Variants in ZNF721 observed in about 807,000 individuals in gnomAD.
ZNF721 encodes the protein zinc finger protein 721.
Under a neutral mutation model 2.4 loss-of-function variants are expected in ZNF721, and 2 were observed. The observed-to-expected ratio is 0.82, with a 90% confidence interval of 0.34 to 2.58. The LOEUF is 2.58. Ranked by LOEUF, ZNF721 falls within the 30% of genes most tolerant of loss-of-function variation. The pLI is 0.11. For missense variants in ZNF721, 1,187 were observed against 1,085.5 expected (o/e 1.09, Z -1.31); for synonymous variants, 398 against 381.8 (o/e 1.04, Z -0.50).
rs115210253 is a variant in ZNF721 at position 497,157 on chromosome 4, A to C, written c.-94+1899T>G. 2.3e-3 allele frequency among the ~76,000 whole-genome samples: 344 copies of C among 151,964 alleles called. 1 individual carries two copies. The highest frequency in any genetic ancestry group is 7.8e-3 in the African/African-American group (322 of 41,462). ...GATGGGGCTCAAGCTGAAGACGGCT[A>C]TCTGTCGATGCAGAAGCAGGCAGGC... On this transcript the variant is annotated intron_variant, in intron 1 of 2. Coordinates refer to ENST00000511833, the MANE Select transcript of ZNF721 (RefSeq NM_133474.4).
At chr4:452,734 T>A (rs1296459642) in intron 2 of ZNF721, among the ~76,000 whole-genome samples, 1 of 152,186 alleles carries the variant, frequency 6.6e-6, no homozygotes, top group Non-Finnish European at 1.5e-5. Flanking sequence ...TTATACCCCT[T>A]CCAAGAAGCA....
chr4:442,881 T>C lies in ZNF721; in HGVS notation c.1586A>G (p.Tyr529Cys), dbSNP rs1714314197. The C allele has an allele frequency of 6.2e-7, 1 of 1,613,940 alleles. No homozygotes were observed. Among genetic ancestry groups the C allele is most frequent in the Non-Finnish European group, 8.5e-7 (1 of 1,179,906 alleles). The part of the protein sequence containing the change: ...HRRIHTGEKP[Y>C]TCEVCGKAFR... ...GGCTTTGCCACATACTTCACATGTG[T>C]AGGGTTTCTCTCCAGTATGAATTCT... The change falls in exon 3 of 3, where the codon TAC becomes TGC. Residue 529 changes from tyrosine to cysteine, a missense_variant. Coordinates refer to ENST00000511833, the MANE Select transcript of ZNF721 (RefSeq NM_133474.4).
At chr4:448,407 G>T (rs1318095113) in intron 2 of ZNF721, among the ~76,000 whole-genome samples, 4 of 149,258 alleles carry the variant, frequency 2.7e-5, no homozygotes, top group Non-Finnish European at 5.9e-5. Flanking sequence ...CTGCACTCCA[G>T]CCTGGGTGAC....
chr4:481,077 A>G (rs1327222413), intron 1 of ZNF721, among the ~76,000 whole-genome samples: 1 of 152,154 alleles, frequency 6.6e-6, no homozygotes. Context: ...ACAGGCCACC[A>G]CACCTGGCTG....
chr4:476,208 A>G (rs1433388688), intron 1 of ZNF721, among the ~76,000 whole-genome samples: 3 of 152,172 alleles, frequency 2.0e-5, no homozygotes, highest in African/African-American at 7.2e-5. Flanking sequence ...CCTTCCAGAA[A>G]ACCCTTCTCC....
At chr4:448,745 G>A (rs1714558783) in intron 2 of ZNF721, among the ~76,000 whole-genome samples, 1 of 152,272 alleles carries the variant, frequency 6.6e-6, no homozygotes, top group Non-Finnish European at 1.5e-5. Context: ...AAGCTGAACA[G>A]CTAGATTAAT....
Position 442,030 on chromosome 4 carries a change from C to T in ZNF721, c.2437G>A (p.Glu813Lys). The T allele has an allele frequency of 6.2e-7, 1 of 1,613,974 alleles. No homozygotes were observed. Among genetic ancestry groups the T allele is most frequent in the South Asian group, 1.1e-5 (1 of 91,078 alleles). Residue 813 changes from glutamate to lysine, a missense_variant, in exon 3 of 3, where the codon GAA becomes AAA. Coordinates refer to ENST00000511833, the MANE Select transcript of ZNF721 (RefSeq NM_133474.4). ...HTGEKPFKCL[E>K]CGKAFTSSTT... The stretch of plus-strand genomic sequence containing the variant: ...GAACTAGTAAACGCTTTACCACATT[C>T]TAAACATTTAAAGGGTTTCTCACCT...
chr4:494,273 C>G (rs1716094268), intron 1 of ZNF721, among the ~76,000 whole-genome samples: 1 of 151,674 alleles, frequency 6.6e-6, no homozygotes, highest in Non-Finnish European at 1.5e-5. Flanking sequence ...GCTCCGCCTC[C>G]TGGGTTCACG....
chr4:487,325 C>T (rs1321933160), intron 1 of ZNF721, among the ~76,000 whole-genome samples: 1 of 152,074 alleles, frequency 6.6e-6, no homozygotes, highest in African/African-American at 2.4e-5. Context: ...ACAACAAGCC[C>T]ATTTTAACTT....
chr4:452,374 A>G (rs570415332), intron 2 of ZNF721, among the ~76,000 whole-genome samples: 1 of 152,328 alleles, frequency 6.6e-6, no homozygotes, highest in South Asian at 2.1e-4. Flanking sequence ...TAAGGCTAAA[A>G]TACTAGAATT....
chr4:461,341 G>C (rs993352417), intron 2 of ZNF721, among the ~76,000 whole-genome samples: 1 of 152,000 alleles, frequency 6.6e-6, no homozygotes, highest in Admixed American at 6.6e-5. Context: ...AAACAGAACC[G>C]ATGACAAAAA....
At position 443,743 on chromosome 4, in the gene ZNF721, T is replaced by C. The variant is rs782507651; in HGVS notation, c.724A>G (p.Ile242Val). The C allele has an allele frequency of 5.0e-6, 8 of 1,613,978 alleles. No individual in the cohort carries two copies. The African/African-American group carries it at 9.3e-5, about 19-fold the overall frequency. Residue 242 changes from isoleucine to valine, a missense_variant, in exon 3 of 3, where the codon ATT becomes GTT. Ile to Val is a conservative substitution (Grantham distance 29, BLOSUM62 3). Transcript: ENST00000511833. ...TTGTAGGGTTTCTCTCCAGTATGAATTTTCTCATGTTTATTCAGGTGTGAG... is the reference window on the plus strand; with the variant it reads ...TTGTAGGGTTTCTCTCCAGTATGAACTTTCTCATGTTTATTCAGGTGTGAG... The part of the protein sequence containing the change: ...HSSHLNKHEK[I>V]HTGEKPYKCK...
intron 1 of ZNF721, among the ~76,000 whole-genome samples, chr4:475,186 C>CA (rs1258307451): frequency 0.025 from 3,412 of 138,246 alleles, 109 homozygotes; most frequent in African/African-American, 0.075. Flanking sequence ...GACTCCGTCT[C>CA]AAAAAAAAAA....
At chr4:475,834 A>C (rs1259093010) in intron 1 of ZNF721, among the ~76,000 whole-genome samples, 2 of 151,598 alleles carry the variant, frequency 1.3e-5, no homozygotes, top group African/African-American at 4.8e-5. Flanking sequence ...AGCAGCCTTT[A>C]AAGATTTTCT....
rs1365178903 is a variant in ZNF721, at chr4:472,574, C to A, written c.34+1G>T. ...GAATTATGCATTAAAGTTATCCTCACCTAGGGAGACCAGGTTTCTGTAGTT... is the reference window on the plus strand; with the variant it reads ...GAATTATGCATTAAAGTTATCCTCAACTAGGGAGACCAGGTTTCTGTAGTT... On this transcript the variant is annotated splice_donor_variant, in intron 2 of 2. Transcript: ENST00000511833. LOFTEE classifies it high-confidence loss of function. 1.9e-6 allele frequency: 3 copies of A among 1,610,278 alleles called. No individual in the cohort carries two copies. The African/African-American group carries it at 4.0e-5, about 22-fold the overall frequency.
intron 2 of ZNF721, among the ~76,000 whole-genome samples, chr4:450,956 A>AAAT (rs1714637638): frequency 3.1e-5 from 2 of 63,754 alleles, no homozygotes; most frequent in African/African-American, 1.5e-4. Flanking sequence ...AAAAAAAAAA[A>AAAT]ATATATATAT....
At chr4:496,732 T>G (rs1186226405) in intron 1 of ZNF721, among the ~76,000 whole-genome samples, 1 of 144,746 alleles carries the variant, frequency 6.9e-6, no homozygotes, top group Non-Finnish European at 1.5e-5. Context: ...TTTTTTTTTT[T>G]GAGACGGAGT....
intron 1 of ZNF721, among the ~76,000 whole-genome samples, chr4:498,810 C>T (rs1329892358): frequency 6.6e-6 from 1 of 151,738 alleles, no homozygotes; most frequent in Non-Finnish European, 1.5e-5. Context: ...CTGCAACCTC[C>T]GCCTCCCAGG....
rs1553863645 is a variant in ZNF721 at position 443,425 on chromosome 4, G to C, written c.1042C>G (p.Leu348Val). The change falls in exon 3 of 3, where the codon CTT (leucine) becomes GTT (valine). Residue 348 changes from leucine to valine, a missense_variant. Coordinates refer to ENST00000511833, the MANE Select transcript of ZNF721 (RefSeq NM_133474.4). ...CGKTFRQSANLYVHRRIHTGE... is the reference protein window; with the variant it reads ...CGKTFRQSANVYVHRRIHTGE... ...GTATGAATTCTCCTATGTACGTAAAGGTTTGCGGACTGTCTAAAGGTTTTG... is the reference window on the plus strand; with the variant it reads ...GTATGAATTCTCCTATGTACGTAAACGTTTGCGGACTGTCTAAAGGTTTTG... 6.2e-7 allele frequency: 1 copy of C among 1,612,002 alleles called. No homozygotes were observed.
Sources: allele counts gnomAD v4.1 joint callset (sites outside exome capture counted in the v4.1 genomes callset), GRCh38; gene constraint gnomAD v4.1.1; transcripts MANE v1.5; gene names NCBI Gene and HGNC (gene_info 2026-07-23, HGNC 2026-07-21).